MTUS2: variants seen among roughly 807,000 people sequenced by gnomAD.
The protein encoded by MTUS2 is microtubule-associated tumor suppressor candidate 2.
Under a neutral mutation model 114.1 loss-of-function variants are expected in MTUS2, and 40 were observed. The ratio of observed to expected loss-of-function variants is 0.35; its 90% CI spans 0.27 to 0.46. The LOEUF is 0.46. Among genes scored for constraint, MTUS2 ranks in the 20% least tolerant of loss-of-function variants. The pLI is 1.00. For missense variants in MTUS2, 1,679 were observed against 1,705.4 expected, an observed-to-expected ratio of 0.98 and a Z score of 0.27; for synonymous variants, 688 against 672.0, an observed-to-expected ratio of 1.02 and a Z score of -0.37.
At chr13:28,843,103 C>T (rs1387309736) in intron 2 of MTUS2, among the ~76,000 whole-genome samples, 3 of 152,122 alleles carry the variant, frequency 2.0e-5, no homozygotes, top group Non-Finnish European at 4.4e-5. Flanking sequence ...CTGTCTCATC[C>T]CCCAGAGCTG....
At chr13:29,309,796 T>A (rs879605762) in intron 6 of MTUS2, among the ~76,000 whole-genome samples, 1 of 152,134 alleles carries the variant, frequency 6.6e-6, no homozygotes, top group Non-Finnish European at 1.5e-5. Context: ...GTGTACATAG[T>A]AGGTGTATAT....
chr13:29,163,038 T>C (rs1315608812), intron 5 of MTUS2, among the ~76,000 whole-genome samples: 1 of 152,164 alleles, frequency 6.6e-6, no homozygotes, highest in Non-Finnish European at 1.5e-5. Context: ...ATGTGTGTGA[T>C]GTGTGCGCAT....
At chr13:28,976,690 CAG>C (rs771161593) in intron 2 of MTUS2, among the ~76,000 whole-genome samples, 3 of 152,048 alleles carry the variant, frequency 2.0e-5, no homozygotes, top group Non-Finnish European at 4.4e-5. Context: ...TTTTTTGTAA[CAG>C]TGATTGGCAA....
chr13:29,472,865 C>A (rs1880421449), intron 9 of MTUS2, among the ~76,000 whole-genome samples: 1 of 152,184 alleles, frequency 6.6e-6, no homozygotes, highest in Non-Finnish European at 1.5e-5. Flanking sequence ...ATTAAGAATT[C>A]ACACCACTGA....
chr13:28,930,831 C>G (rs774493834), intron 2 of MTUS2, among the ~76,000 whole-genome samples: 9 of 152,066 alleles, frequency 5.9e-5, no homozygotes, highest in Non-Finnish European at 1.2e-4. Flanking sequence ...ATTAGTAACC[C>G]TAGAGCTGTT....
At chr13:29,231,306 G>GT (rs1484596463) in intron 5 of MTUS2, among the ~76,000 whole-genome samples, 2 of 152,148 alleles carry the variant, frequency 1.3e-5, no homozygotes, top group Non-Finnish European at 2.9e-5. Context: ...CTTTAAAAAA[G>GT]TTTTTTAAAA....
intron 5 of MTUS2, among the ~76,000 whole-genome samples, chr13:29,117,199 C>A (rs1255197717): frequency 6.6e-6 from 1 of 152,182 alleles, no homozygotes; most frequent in Non-Finnish European, 1.5e-5. Context: ...TTCTTGATAG[C>A]CCCTCAGCTT....
intron 5 of MTUS2, among the ~76,000 whole-genome samples, chr13:29,163,948 C>T (rs1356780068): frequency 6.6e-6 from 1 of 152,130 alleles, no homozygotes; most frequent in Non-Finnish European, 1.5e-5. Context: ...CTTGCTTGCC[C>T]ACAGCTCGAG....
intron 2 of MTUS2, among the ~76,000 whole-genome samples, chr13:28,932,427 G>T (rs764905473): frequency 6.6e-6 from 1 of 152,146 alleles, no homozygotes; most frequent in South Asian, 2.1e-4. Flanking sequence ...GTAGATTTTG[G>T]TATCTGTGGG....
chr13:29,204,645 G>C (rs1453157573), intron 5 of MTUS2, among the ~76,000 whole-genome samples: 3 of 152,188 alleles, frequency 2.0e-5, no homozygotes. Flanking sequence ...AATGTTTCTG[G>C]GCTCAGGGCA....
chr13:29,307,880 C>G, intron 6 of MTUS2: 1 of 570,214 alleles, frequency 1.8e-6, no homozygotes, highest in Non-Finnish European at 3.2e-6. Flanking sequence ...CTGAGAATCC[C>G]CCCTCCTCAG....
In MTUS2 at chr13:29,389,634, C is replaced by CAT. The variant is rs1555272600; in HGVS notation, c.3117+30164_3117+30165dup. 5.7e-5 allele frequency among the ~76,000 whole-genome samples: 6 copies of CAT among 105,512 alleles called. 1 individual carries two copies. The highest frequency in any genetic ancestry group is 1.8e-4 in the Admixed American group (2 of 11,058). 69.2% of individuals were successfully genotyped at this position (105,512 alleles called of 152,430 possible). A position where few individuals can be genotyped will look rare whatever the true frequency, so the allele number is the denominator to read the frequency against. On this transcript the variant is annotated intron_variant, in intron 8 of 15. Transcript: ENST00000612955. ...ACATATGTGTGTATATATGTATACA[C>CAT]ATATGTGTATGTATATACGTATATA...
At chr13:29,384,002 T>C (rs1872458236) in intron 8 of MTUS2, among the ~76,000 whole-genome samples, 1 of 152,228 alleles carries the variant, frequency 6.6e-6, no homozygotes, top group Non-Finnish European at 1.5e-5. Context: ...ACCTATATTG[T>C]ATATAATGAA....
chr13:29,374,317 A>G (rs1056004265), intron 8 of MTUS2, among the ~76,000 whole-genome samples: 3 of 151,756 alleles, frequency 2.0e-5, no homozygotes, highest in Non-Finnish European at 4.4e-5. Context: ...AATTTGTTGA[A>G]AGAAATAAAC....
chr13:29,037,262 G>A (rs988622730), intron 4 of MTUS2, among the ~76,000 whole-genome samples: 6 of 152,096 alleles, frequency 3.9e-5, no homozygotes, highest in Admixed American at 1.3e-4. Flanking sequence ...TTTCTCCTTC[G>A]CTTATGAAGT....
chr13:29,241,838 C>G (rs1404240351), intron 5 of MTUS2, among the ~76,000 whole-genome samples: 1 of 152,044 alleles, frequency 6.6e-6, no homozygotes, highest in Non-Finnish European at 1.5e-5. Flanking sequence ...GGCAGTCTGT[C>G]CAATCCACCT....
chr13:29,254,621 A>T (rs1897236350), intron 5 of MTUS2, among the ~76,000 whole-genome samples: 1 of 152,252 alleles, frequency 6.6e-6, no homozygotes, highest in African/African-American at 2.4e-5. Context: ...CTGAAAACAT[A>T]CCATTAACGA....
rs545914287 is a variant in MTUS2, at chr13:29,416,192, G to C, written c.3118-23791G>C. ...GATCCACCCGCCTTGGCCTCCTAAAGTGCTGTAATTACAGGTGTGAGCCAC... is the reference window on the plus strand; with the variant it reads ...GATCCACCCGCCTTGGCCTCCTAAACTGCTGTAATTACAGGTGTGAGCCAC... On this transcript the variant is annotated intron_variant, in intron 8 of 15. Transcript: ENST00000612955. Among the ~76,000 whole-genome samples the C allele has an allele frequency of 2.5e-4, 38 of 150,428 alleles. No homozygotes were observed. The South Asian group carries it at 7.5e-3, about 30-fold the overall frequency.
chr13:29,363,272 A>G (rs1184784130), intron 8 of MTUS2, among the ~76,000 whole-genome samples: 5 of 152,186 alleles, frequency 3.3e-5, no homozygotes, highest in South Asian at 2.1e-4. Context: ...CTGAGGGTAC[A>G]TGGATTTTCA....
Sources: allele counts gnomAD v4.1 joint callset (sites outside exome capture counted in the v4.1 genomes callset), GRCh38; gene constraint gnomAD v4.1.1; transcripts MANE v1.5; gene names NCBI Gene and HGNC (gene_info 2026-07-23, HGNC 2026-07-21).